The following EPHA6 variants were observed in gnomAD, a reference collection of about 807,000 sequenced individuals.
The protein encoded by EPHA6 is ephrin type-A receptor 6.
In EPHA6, 50 loss-of-function variants were observed where a neutral mutation model predicts 112.0. The observed-to-expected ratio is 0.45, with a 90% confidence interval of 0.36 to 0.56. EPHA6 has a LOEUF of 0.56. Among genes scored for constraint, EPHA6 ranks in the 20% least tolerant of loss-of-function variants. The pLI, the probability that EPHA6 is intolerant of heterozygous loss-of-function variation, is 0.00. For synonymous variants in EPHA6, 529 were observed against 490.7 expected (o/e 1.08, Z -1.03); for missense variants, 1,280 against 1,417.4 (o/e 0.90, Z 1.56).
chr3:97,034,877 G>C (rs2045024483), intron 3 of EPHA6, among the ~76,000 whole-genome samples: 1 of 151,816 alleles, frequency 6.6e-6, no homozygotes, highest in Admixed American at 6.6e-5. Context: ...GAGCAATTAA[G>C]GTTCCTCACA....
At chr3:97,036,753 C>T (rs959038252) in intron 3 of EPHA6, among the ~76,000 whole-genome samples, 1 of 151,978 alleles carries the variant, frequency 6.6e-6, no homozygotes, top group African/African-American at 2.4e-5. Flanking sequence ...TAATAATCTT[C>T]CTAGATGATT....
At chr3:97,615,727 C>T (rs1010759537) in intron 13 of EPHA6, among the ~76,000 whole-genome samples, 2 of 152,136 alleles carry the variant, frequency 1.3e-5, no homozygotes, top group Non-Finnish European at 2.9e-5. Flanking sequence ...TCCAGATTGC[C>T]TCTTTAACCA....
At chr3:97,403,721 C>T (rs2087144457) in intron 5 of EPHA6, among the ~76,000 whole-genome samples, 1 of 152,216 alleles carries the variant, frequency 6.6e-6, no homozygotes, top group African/African-American at 2.4e-5. Flanking sequence ...GCTGGGATTA[C>T]AGGCGTGAGC....
intron 7 of EPHA6, among the ~76,000 whole-genome samples, chr3:97,473,142 C>A (rs1301121060): frequency 6.6e-6 from 1 of 151,298 alleles, no homozygotes; most frequent in African/African-American, 2.4e-5. Flanking sequence ...CATTTTACTC[C>A]CAGTATAATA....
At chr3:97,536,879 T>G (rs1051037627) in intron 11 of EPHA6, among the ~76,000 whole-genome samples, 1 of 152,168 alleles carries the variant, frequency 6.6e-6, no homozygotes, top group Non-Finnish European at 1.5e-5. Context: ...ACGAAAAGTG[T>G]AAGTAAATTA....
At chr3:96,934,650 T>C (rs1004596592) in intron 2 of EPHA6, among the ~76,000 whole-genome samples, 5 of 151,328 alleles carry the variant, frequency 3.3e-5, no homozygotes, top group South Asian at 2.1e-4. Context: ...TTTGTAAAAA[T>C]TACTTTATAT....
intron 3 of EPHA6, among the ~76,000 whole-genome samples, chr3:97,117,385 A>G (rs368101809): frequency 1.2e-4 from 18 of 151,896 alleles, no homozygotes; most frequent in East Asian, 7.7e-4. Flanking sequence ...GGTCTTAGCT[A>G]TAAAATATTT....
intron 7 of EPHA6, among the ~76,000 whole-genome samples, chr3:97,458,195 C>T (rs1191783946): frequency 1.3e-5 from 2 of 150,298 alleles, no homozygotes; most frequent in East Asian, 2.0e-4. Context: ...ATTGCAGGAG[C>T]GCTTAAAAGA....
At chr3:97,664,842 T>G (rs2094194632) in intron 14 of EPHA6, among the ~76,000 whole-genome samples, 1 of 152,094 alleles carries the variant, frequency 6.6e-6, no homozygotes, top group Non-Finnish European at 1.5e-5. Flanking sequence ...AAAAAGAACA[T>G]TCCATGCTGA....
intron 1 of EPHA6, among the ~76,000 whole-genome samples, chr3:96,826,685 A>G (rs1160536868): frequency 6.6e-6 from 1 of 152,098 alleles, no homozygotes; most frequent in African/African-American, 2.4e-5. Flanking sequence ...TTCTTTATAT[A>G]GTCCTTATAT....
intron 10 of EPHA6, among the ~76,000 whole-genome samples, chr3:97,498,661 A>G (rs1404946360): frequency 2.6e-5 from 4 of 151,276 alleles, no homozygotes; most frequent in South Asian, 2.1e-4. Context: ...CCTTTACTCT[A>G]TAACAGTGGT....
intron 3 of EPHA6, among the ~76,000 whole-genome samples, chr3:97,023,460 A>G (rs904000064): frequency 3.3e-5 from 5 of 152,196 alleles, no homozygotes; most frequent in South Asian, 2.1e-4. Context: ...TATTATTTCA[A>G]TTTCAAGTAC....
intron 1 of EPHA6, among the ~76,000 whole-genome samples, chr3:96,857,621 G>A (rs984874271): frequency 1.3e-5 from 2 of 151,964 alleles, no homozygotes; most frequent in Non-Finnish European, 2.9e-5. Context: ...GCTGTTTAAT[G>A]TGTAAATGAT....
At chr3:97,452,888 G>GA (rs2090573327) in intron 7 of EPHA6, among the ~76,000 whole-genome samples, 1 of 151,142 alleles carries the variant, frequency 6.6e-6, no homozygotes, top group Admixed American at 6.6e-5. Flanking sequence ...TTTCACTGCA[G>GA]AAAAAAATGA....
chr3:97,699,358 T>C (rs1037158907), intron 14 of EPHA6, among the ~76,000 whole-genome samples: 53 of 152,250 alleles, frequency 3.5e-4, no homozygotes, highest in African/African-American at 1.3e-3. Flanking sequence ...ATAATACTAA[T>C]AATTATTCTT....
intron 5 of EPHA6, among the ~76,000 whole-genome samples, chr3:97,334,616 A>G (rs567651288): frequency 4.4e-4 from 67 of 151,804 alleles, no homozygotes; most frequent in Admixed American, 7.2e-4. Context: ...AGTAGCTGGG[A>G]CTACAGGTGT....
intron 7 of EPHA6, among the ~76,000 whole-genome samples, chr3:97,470,848 A>G (rs1315946728): frequency 6.6e-6 from 1 of 151,706 alleles, no homozygotes; most frequent in Non-Finnish European, 1.5e-5. Context: ...ATCTTTGTCC[A>G]AGAATACAAG....
At chr3:97,051,321 C>A (rs1476818927) in intron 3 of EPHA6, among the ~76,000 whole-genome samples, 1 of 152,120 alleles carries the variant, frequency 6.6e-6, no homozygotes, top group East Asian at 1.9e-4. Flanking sequence ...ATTAAATCTC[C>A]TCCGTAAGGA....
chr3:97,355,680 C>A lies in EPHA6; in HGVS notation c.1607-49470C>A, dbSNP rs1295159684. Among the ~76,000 whole-genome samples the A allele has an allele frequency of 2.6e-5, 4 of 152,096 alleles. No individual in the cohort carries two copies. The East Asian group carries it at 7.7e-4, about 29-fold the overall frequency. On this transcript the variant is annotated intron_variant, in intron 5 of 17. Transcript: ENST00000389672. ...AGTGGTAGGAGTAAGTCCTTACTTA[C>A]CAATAACAACATTGAAAGTTAACGG...
Sources: allele counts gnomAD v4.1 joint callset (sites outside exome capture counted in the v4.1 genomes callset), GRCh38; gene constraint gnomAD v4.1.1; transcripts MANE v1.5; gene names NCBI Gene and HGNC (gene_info 2026-07-23, HGNC 2026-07-21).